Variants in MYO7A observed in about 807,000 individuals in gnomAD.
MYO7A encodes the protein unconventional myosin-VIIa.
A neutral mutation model predicts 263.8 loss-of-function variants in MYO7A; 210 were observed. The observed-to-expected ratio is 0.80, with a 90% CI of 0.71 to 0.89. The LOEUF (loss-of-function observed/expected upper bound fraction) is 0.89, where lower values mean the gene tolerates loss of function less well. Among genes scored for constraint, MYO7A ranks in the 40% least tolerant of loss-of-function variants. The pLI, the probability that MYO7A is intolerant of heterozygous loss-of-function variation, is 0.00. For synonymous variants in MYO7A, 1,239 were observed against 1,197.3 expected (o/e 1.03, Z -0.72); for missense variants, 2,820 against 2,968.3 (o/e 0.95, Z 1.16).
In MYO7A at chr11:77,166,175, C is replaced by A. The variant is rs782461418; in HGVS notation, c.1797+13C>A. ...CGATGTCGCCATGGTAAGCCGGGTG[C>A]GGTTTCTGTTGTTCGGGAAGGGCCC... On this transcript the variant is annotated intron_variant, in intron 15 of 48. Transcript: ENST00000409709. 3 of 1,611,530 alleles carry A rather than the reference C, an allele frequency of 1.9e-6. No individual in the cohort carries two copies. The highest frequency in any genetic ancestry group is 1.7e-6 in the Non-Finnish European group (2 of 1,177,996).
chr11:77,212,740 C>T (rs770640804), intron 46 of MYO7A: 23 of 600,580 alleles, frequency 3.8e-5, no homozygotes, highest in Non-Finnish European at 6.2e-5. Context: ...GAGGACAAAG[C>T]AGAGGATGGC....
Position 77,179,112 on chromosome 11 carries a change from A to G in MYO7A, c.2350A>G (p.Arg784Gly), listed in dbSNP as rs1954931722. Residue 784 changes from arginine to glycine, a missense_variant, in exon 20 of 49, where the codon AGG (arginine) becomes GGG (glycine). Arg to Gly is a moderately radical substitution (Grantham distance 125). Coordinates refer to ENST00000409709, the MANE Select transcript of MYO7A (RefSeq NM_000260.4). ...IQRHWRGHNC[R>G]KNYGLMRLGF... ...GAGGCACTGGCGGGGTCACAACTGTAGGAAGAACTACGGGCTGGTGAGCCT... is the reference window on the plus strand; with the variant it reads ...GAGGCACTGGCGGGGTCACAACTGTGGGAAGAACTACGGGCTGGTGAGCCT... The G allele has an allele frequency of 1.2e-6, 2 of 1,603,664 alleles. No homozygotes were observed. Among genetic ancestry groups the G allele is most frequent in the South Asian group, 1.1e-5 (1 of 89,164 alleles).
intron 38 of MYO7A, 93 bp downstream of exon 38, chr11:77,203,310 C>A: frequency 7.1e-7 from 1 of 1,408,206 alleles, no homozygotes; most frequent in Non-Finnish European, 9.6e-7. Context: ...CTGCTGCGAC[C>A]CGGGCACACA....
chr11:77,168,685 C>T (rs531953475), intron 15 of MYO7A, among the ~76,000 whole-genome samples: 1 of 152,246 alleles, frequency 6.6e-6, no homozygotes, highest in South Asian at 2.1e-4. Flanking sequence ...GTCACAGCTA[C>T]TTGGAGTGGG....
intron 8 of MYO7A, 50 bp from the exon 9 acceptor site, chr11:77,158,227 G>C (rs1555065404): frequency 6.6e-7 from 1 of 1,521,744 alleles, no homozygotes; most frequent in East Asian, 2.4e-5. Flanking sequence ...TGCCCCTCTG[G>C]GGGTACACTG....
rs782639245 is a variant in MYO7A at position 77,175,391 on chromosome 11, G to A, written c.2114G>A (p.Cys705Tyr). ...AYKQGDLRGTCQRMAEAVLGT... is the reference protein window; with the variant it reads ...AYKQGDLRGTYQRMAEAVLGT... ...CTCCAGGGCGACCTCCGCGGGACTTGCCAGCGCATGGCTGAGGCTGTGCTG... is the reference window on the plus strand; with the variant it reads ...CTCCAGGGCGACCTCCGCGGGACTTACCAGCGCATGGCTGAGGCTGTGCTG... Residue 705 changes from cysteine (C) to tyrosine (Y), a missense_variant, in exon 18 of 49, where the codon TGC (cysteine) becomes TAC (tyrosine). Cys to Tyr is a radical substitution (Grantham distance 194). Transcript: ENST00000409709. The A allele has an allele frequency of 3.0e-5, 49 of 1,613,182 alleles. No homozygotes were observed. Among genetic ancestry groups the A allele is most frequent in the Admixed American group, 2.2e-4 (13 of 60,008 alleles).
At position 77,193,292 on chromosome 11, in the gene MYO7A, TTGG is replaced by T. The variant is rs1470475653; in HGVS notation, c.4152+1020_4152+1022del. Among the ~76,000 whole-genome samples the T allele has an allele frequency of 4.6e-4, 68 of 148,262 alleles. 2 individuals are homozygous for T. The highest frequency in any genetic ancestry group is 3.4e-3 in the East Asian group (17 of 4,944). ...GGTGATGGTGGAGGTAGTGATGGTGTTGGTGGTGATGACAGTGTTGTGGGTAGT... is the reference window on the plus strand; with the variant it reads ...GGTGATGGTGGAGGTAGTGATGGTGTTGGTGATGACAGTGTTGTGGGTAGT... On this transcript the variant is annotated intron_variant, in intron 31 of 48. Coordinates refer to ENST00000409709, the MANE Select transcript of MYO7A (RefSeq NM_000260.4).
intron 14 of MYO7A, 21 bp downstream of exon 14, chr11:77,163,009 T>C: frequency 6.2e-7 from 1 of 1,612,552 alleles, no homozygotes; most frequent in South Asian, 1.1e-5. Flanking sequence ...CTGCCGGCTG[T>C]CTGTCACTCC....
intron 42 of MYO7A, among the ~76,000 whole-genome samples, chr11:77,207,633 T>C (rs1957539929): frequency 6.6e-6 from 1 of 152,216 alleles, no homozygotes; most frequent in Non-Finnish European, 1.5e-5. Context: ...TGTGCCCAGG[T>C]GCTCTGTGTT....
chr11:77,203,156 G>C lies in MYO7A; in HGVS notation c.5265G>C (p.Ala1755=). The change falls in exon 38 of 49, where the codon GCG becomes GCC. Residue 1755 remains alanine, a synonymous_variant. Coordinates refer to ENST00000409709, the MANE Select transcript of MYO7A (RefSeq NM_000260.4). The part of the protein sequence containing the change: ...WSHTREPLKQ[A]LLKKLLGSEE... Reference sequence around the variant, plus strand: ...ACACGCGGGAACCGCTCAAGCAGGCGCTGCTCAAGAAGCTCCTGGGCAGTG... The same window carrying C: ...ACACGCGGGAACCGCTCAAGCAGGCCCTGCTCAAGAAGCTCCTGGGCAGTG... 6.4e-7 allele frequency: 1 copy of C among 1,551,260 alleles called. No homozygotes were observed. Among genetic ancestry groups the C allele is most frequent in the East Asian group, 2.4e-5 (1 of 41,096 alleles).
In MYO7A at chr11:77,202,351, C is replaced by G. The variant is rs530520654; in HGVS notation, c.5095C>G (p.Gln1699Glu). 7.6e-6 allele frequency: 12 copies of G among 1,574,738 alleles called. No homozygotes were observed. The highest frequency in any genetic ancestry group is 1.7e-4 in the Middle Eastern group (1 of 6,022). Residue 1699 changes from glutamine (Q) to glutamate (E), a missense_variant, in exon 37 of 49, where the codon CAG becomes GAG. Coordinates refer to ENST00000409709, the MANE Select transcript of MYO7A (RefSeq NM_000260.4). ...GAGGCAGGACGTTGTCCGGCTCTTGCAGCTGCGAACGGCGGAGCCCGAGGT... is the reference window on the plus strand; with the variant it reads ...GAGGCAGGACGTTGTCCGGCTCTTGGAGCTGCGAACGGCGGAGCCCGAGGT... Reference protein sequence around the residue: ...DQRQDVVRLLQLRTAEPEVRA... With the variant: ...DQRQDVVRLLELRTAEPEVRA...
chr11:77,202,362 G>C lies in MYO7A; in HGVS notation c.5106G>C (p.Thr1702=), dbSNP rs773872608. The change falls in exon 37 of 49, where the codon ACG becomes ACC. Residue 1702 remains threonine, a synonymous_variant. Coordinates refer to ENST00000409709, the MANE Select transcript of MYO7A (RefSeq NM_000260.4). ...TTGTCCGGCTCTTGCAGCTGCGAACGGCGGAGCCCGAGGTGCGTGCCAAGC... is the reference window on the plus strand; with the variant it reads ...TTGTCCGGCTCTTGCAGCTGCGAACCGCGGAGCCCGAGGTGCGTGCCAAGC... ...QDVVRLLQLR[T]AEPEVRAKPY... is the part of the protein sequence containing the mutation. 1.9e-6 allele frequency: 3 copies of C among 1,566,260 alleles called. No homozygotes were observed. Among genetic ancestry groups the C allele is most frequent in the South Asian group, 1.2e-5 (1 of 84,990 alleles).
At position 77,172,962 on chromosome 11, in the gene MYO7A, T is replaced by C. The variant is rs1591340059; in HGVS notation, c.1935+77T>C. The C allele has an allele frequency of 2.0e-6, 3 of 1,479,700 alleles. No individual in the cohort carries two copies. The East Asian group carries it at 7.5e-5, about 37-fold the overall frequency. 91.7% of individuals were successfully genotyped at this position (1,479,700 alleles called of 1,614,324 possible). The stretch of plus-strand genomic sequence containing the variant: ...GAGCTAGGTCAAGAATAAGGTAGGG[T>C]GGGAGTGAAGGATGTGAGACTTTGT... On this transcript the variant is annotated intron_variant, in intron 16 of 48. Coordinates refer to ENST00000409709, the MANE Select transcript of MYO7A (RefSeq NM_000260.4).
chr11:77,167,160 T>C (rs951689339), intron 15 of MYO7A, among the ~76,000 whole-genome samples: 2 of 152,076 alleles, frequency 1.3e-5, no homozygotes, highest in African/African-American at 4.8e-5. Context: ...GTGATTTTTG[T>C]GTTTGGTTTT....
At position 77,213,021 on chromosome 11, in the gene MYO7A, G is replaced by A. The variant is rs1132036; in HGVS notation, c.6424G>A (p.Asp2142Asn). Residue 2142 changes from aspartate to asparagine, a missense_variant, in exon 47 of 49, where the codon GAT becomes AAT. By Grantham distance (23) the Asp-to-Asn change is conservative (BLOSUM62 1). Coordinates refer to ENST00000409709, the MANE Select transcript of MYO7A (RefSeq NM_000260.4). Reference protein sequence around the residue: ...AINKYGVSLIDPKTKDILTTH... With the variant: ...AINKYGVSLINPKTKDILTTH... ...CAACAAGTATGGGGTCAGCCTCATC[G>A]ATCCCAAAACGAAGGTGAGCAGGGA... 8,558 of 1,580,324 alleles carry A rather than the reference G, an allele frequency of 5.4e-3. 390 individuals are homozygous for A. In the African/African-American group the frequency reaches 0.099, roughly 18 times the overall value.
At chr11:77,178,711 A>G (rs1555081851) in intron 19 of MYO7A, among the ~76,000 whole-genome samples, 1 of 152,240 alleles carries the variant, frequency 6.6e-6, no homozygotes, top group East Asian at 1.9e-4. Flanking sequence ...CAGTTGCCTC[A>G]TGTATAAACT....
intron 44 of MYO7A, among the ~76,000 whole-genome samples, chr11:77,210,488 G>A (rs1957791425): frequency 6.6e-6 from 1 of 152,178 alleles, no homozygotes; most frequent in African/African-American, 2.4e-5. Context: ...CCACATGGAT[G>A]GGTGGGTAGG....
intron 42 of MYO7A, among the ~76,000 whole-genome samples, chr11:77,208,078 G>A (rs1957579789): frequency 6.6e-6 from 1 of 152,228 alleles, no homozygotes; most frequent in African/African-American, 2.4e-5. Context: ...TGACCCCAAT[G>A]AGGTCCTAGA....
At chr11:77,205,360 A>C in intron 39 of MYO7A, 102 bp from the exon 40 acceptor site, 3 of 1,349,750 alleles carry the variant, frequency 2.2e-6, no homozygotes, top group Middle Eastern at 2.5e-4. Flanking sequence ...TGCTGCTGTG[A>C]TGAGCAGCTG....
Sources: allele counts gnomAD v4.1 joint callset (sites outside exome capture counted in the v4.1 genomes callset), GRCh38; gene constraint gnomAD v4.1.1; transcripts MANE v1.5; gene names NCBI Gene and HGNC (gene_info 2026-07-23, HGNC 2026-07-21).